The following NLK variants were observed in gnomAD, a reference collection of about 807,000 sequenced individuals.
NLK encodes the protein serine/threonine-protein kinase NLK.
NLK carries 11 observed loss-of-function variants against 59.0 expected under a neutral mutation model. That is an observed-to-expected ratio of 0.19 (90% CI 0.12 to 0.31). The LOEUF (loss-of-function observed/expected upper bound fraction) is 0.31, where lower values mean the gene tolerates loss of function less well. Among genes scored for constraint, NLK ranks in the 10% least tolerant of loss-of-function variants. NLK has a pLI of 1.00. For synonymous variants in NLK, 235 were observed against 235.9 expected (o/e 1.00, Z 0.03); for missense variants, 410 against 661.1 (o/e 0.62, Z 4.16).
intron 8 of NLK, among the ~76,000 whole-genome samples, chr17:28,190,412 C>G (rs1909264073): frequency 6.6e-6 from 1 of 152,110 alleles, no homozygotes; most frequent in South Asian, 2.1e-4. Flanking sequence ...AATTCAAGAA[C>G]ACAGTGAGAC....
intron 1 of NLK, among the ~76,000 whole-genome samples, chr17:28,068,451 ATTTG>A (rs1597662488): frequency 6.6e-6 from 1 of 152,048 alleles, no homozygotes; most frequent in East Asian, 1.9e-4. Context: ...CAAAAATGAT[ATTTG>A]TTTTTAGGTT....
At chr17:28,131,575 G>T (rs1296339592) in intron 2 of NLK, among the ~76,000 whole-genome samples, 1 of 103,588 alleles carries the variant, frequency 9.7e-6, no homozygotes, top group Non-Finnish European at 1.8e-5. Context: ...TATGTTTGAA[G>T]TTCTCTGTAG....
intron 4 of NLK, 61 bp from the exon 5 acceptor site, chr17:28,163,482 T>A (rs1364237316): frequency 9.1e-6 from 9 of 985,062 alleles, no homozygotes; most frequent in Non-Finnish European, 1.4e-5. Flanking sequence ...AGGTTTTTTT[T>A]AAATTATTGG....
At chr17:28,205,198 G>T in the NLK span, among the ~76,000 whole-genome samples, 63 of 152,244 alleles carry the variant, frequency 4.1e-4, 1 homozygote, top group Non-Finnish European at 7.3e-5. Flanking sequence ...CACATTATGT[G>T]TGGTGAAGAC....
chr17:28,122,561 C>A, intron 1 of NLK, 42 bp from the exon 2 acceptor site: 3 of 1,609,182 alleles, frequency 1.9e-6, no homozygotes, highest in Non-Finnish European at 2.5e-6. Flanking sequence ...GAACTGATTT[C>A]TCTGTCTTTT....
intron 9 of NLK, among the ~76,000 whole-genome samples, chr17:28,191,679 T>C (rs914832465): frequency 1.3e-5 from 2 of 152,206 alleles, no homozygotes; most frequent in African/African-American, 4.8e-5. Flanking sequence ...TCCAAAATTC[T>C]GAGTGATTTT....
intron 1 of NLK, among the ~76,000 whole-genome samples, chr17:28,050,284 G>A (rs1909201906): frequency 1.3e-5 from 2 of 152,200 alleles, no homozygotes; most frequent in Admixed American, 6.5e-5. Flanking sequence ...CTAGGTGGAA[G>A]GGCCTATATG....
At chr17:28,123,090 T>C (rs1906136748) in intron 2 of NLK, among the ~76,000 whole-genome samples, 1 of 152,198 alleles carries the variant, frequency 6.6e-6, no homozygotes, top group Non-Finnish European at 1.5e-5. Flanking sequence ...TAGACTCACC[T>C]GGGGAGTCCA....
intron 8 of NLK, 79 bp from the exon 9 acceptor site, chr17:28,190,942 A>T: frequency 1.0e-6 from 1 of 969,432 alleles, no homozygotes; most frequent in Non-Finnish European, 1.6e-6. Flanking sequence ...TCAAGCAGTT[A>T]ATGTGTCTTT....
intron 8 of NLK, among the ~76,000 whole-genome samples, chr17:28,189,789 G>A (rs1030256718): frequency 2.0e-5 from 3 of 152,154 alleles, no homozygotes; most frequent in African/African-American, 4.8e-5. Flanking sequence ...ATGCAGGGAA[G>A]TCAGACTTCA....
At chr17:28,171,661 T>G (rs1006606765) in intron 6 of NLK, among the ~76,000 whole-genome samples, 2 of 152,204 alleles carry the variant, frequency 1.3e-5, no homozygotes, top group African/African-American at 4.8e-5. Flanking sequence ...ATTTTCAGTA[T>G]TTATTAAATC....
intron 8 of NLK, among the ~76,000 whole-genome samples, chr17:28,190,546 C>T (rs1395878937): frequency 6.6e-6 from 1 of 152,068 alleles, no homozygotes; most frequent in Non-Finnish European, 1.5e-5. Flanking sequence ...CTGCCTAACT[C>T]CAGCAGCTTT....
At chr17:28,102,388 C>T (rs1904933519) in intron 1 of NLK, among the ~76,000 whole-genome samples, 1 of 152,154 alleles carries the variant, frequency 6.6e-6, no homozygotes, top group South Asian at 2.1e-4. Flanking sequence ...CGGTGGCTCA[C>T]ACCTGTAATC....
chr17:28,070,891 A>G (rs1909984929), intron 1 of NLK, among the ~76,000 whole-genome samples: 1 of 152,216 alleles, frequency 6.6e-6, no homozygotes, highest in Non-Finnish European at 1.5e-5. Flanking sequence ...CTATATAAAT[A>G]TAGTGAAATT....
chr17:28,171,747 G>T (rs1292234410), intron 6 of NLK, among the ~76,000 whole-genome samples: 1 of 152,142 alleles, frequency 6.6e-6, no homozygotes, highest in Non-Finnish European at 1.5e-5. Context: ...TTCATTAACT[G>T]TTTGGAAAGA....
chr17:28,204,183 A>G, the NLK span, among the ~76,000 whole-genome samples: 1 of 152,222 alleles, frequency 6.6e-6, no homozygotes, highest in Non-Finnish European at 1.5e-5. Context: ...CTAGAGGATA[A>G]GTAATTTTCC....
At chr17:28,129,587 AAAT>A (rs1262106147) in intron 2 of NLK, among the ~76,000 whole-genome samples, 1 of 152,238 alleles carries the variant, frequency 6.6e-6, no homozygotes, top group East Asian at 1.9e-4. Context: ...CTATAAAAAA[AAAT>A]AATAATGATA....
At chr17:28,192,616 C>T (rs1400905442) in intron 10 of NLK, among the ~76,000 whole-genome samples, 1 of 151,708 alleles carries the variant, frequency 6.6e-6, no homozygotes, top group African/African-American at 2.4e-5. Context: ...TGCGGTGAGC[C>T]GAGATCGCAC....
At position 28,195,620 on chromosome 17, in the gene NLK, T is replaced by C. The variant is rs1032570436; in HGVS notation, c.*984T>C. Reference sequence around the variant, plus strand: ...AATTATGTCAAATGTGTTTGTGTCCTTAGGCAAAGCTGTGGGAGTCTTGAA... The same window carrying C: ...AATTATGTCAAATGTGTTTGTGTCCCTAGGCAAAGCTGTGGGAGTCTTGAA... On this transcript the variant is annotated 3_prime_UTR_variant, in exon 11 of 11. Transcript: ENST00000407008. 16 of 152,758 alleles carry C rather than the reference T, an allele frequency of 1.0e-4. No individual in the cohort carries two copies. The East Asian group carries it at 2.5e-3, about 24-fold the overall frequency. The allele number at this position is 152,758 out of a possible 1,614,324, so 9.5% of individuals were successfully genotyped here.
Sources: allele counts gnomAD v4.1 joint callset (sites outside exome capture counted in the v4.1 genomes callset), GRCh38; gene constraint gnomAD v4.1.1; transcripts MANE v1.5; gene names NCBI Gene and HGNC (gene_info 2026-07-23, HGNC 2026-07-21).